Variants in TEDC1 observed in about 807,000 individuals in gnomAD.
TEDC1 encodes tubulin epsilon and delta complex protein 1.
TEDC1 carries 54 observed loss-of-function variants against 59.9 expected under a neutral mutation model. That is an observed-to-expected ratio of 0.90 (90% confidence interval 0.72 to 1.13). The LOEUF (loss-of-function observed/expected upper bound fraction) is 1.13. TEDC1 is among the 50% of genes most tolerant of loss of function. The pLI, the probability that TEDC1 is intolerant of heterozygous loss-of-function variation, is 0.00. For synonymous variants in TEDC1, 353 were observed against 298.1 expected (o/e 1.18, Z -1.90); for missense variants, 734 against 683.4 (o/e 1.07, Z -0.83).
At position 105,491,813 on chromosome 14, in the gene TEDC1, A is replaced by T. The variant is rs1180270503; in HGVS notation, c.226+113A>T. 3.5e-5 allele frequency: 43 copies of T among 1,228,368 alleles called. No individual in the cohort carries two copies. The Admixed American group carries it at 9.0e-4, about 26-fold the overall frequency. The allele number at this position is 1,228,368 out of a possible 1,614,324, so 76.1% of individuals were successfully genotyped here. ...CGGCAGGCTCTAGCCCCCACCCAACACTGACCCCGCTTGCTCCTCAAAACT... is the reference window on the plus strand; with the variant it reads ...CGGCAGGCTCTAGCCCCCACCCAACTCTGACCCCGCTTGCTCCTCAAAACT... On this transcript the variant is annotated intron_variant, in intron 2 of 8. Coordinates refer to ENST00000392523, the MANE Select transcript of TEDC1 (RefSeq NM_001367178.1).
chr14:105,495,774 C>T (rs1484326201), intron 5 of TEDC1, 106 bp from the exon 6 acceptor site: 1 of 960,644 alleles, frequency 1.0e-6, no homozygotes, highest in Non-Finnish European at 1.5e-6. Flanking sequence ...TGGGACCACC[C>T]TCTGTGGTGG....
chr14:105,493,946 A>C lies in TEDC1; in HGVS notation c.684+13A>C, dbSNP rs782517511. On this transcript the variant is annotated intron_variant, in intron 5 of 8. Coordinates refer to ENST00000392523, the MANE Select transcript of TEDC1 (RefSeq NM_001367178.1). Reference sequence around the variant, plus strand: ...GGGAGGCCAGCAGGTGAGGGCGGGCAAGCTGCTGCGGGGGGGTGGGGGTGG... The same window carrying C: ...GGGAGGCCAGCAGGTGAGGGCGGGCCAGCTGCTGCGGGGGGGTGGGGGTGG... The C allele has an allele frequency of 1.4e-6, 1 of 722,372 alleles. No homozygotes were observed. The highest frequency in any genetic ancestry group is 2.1e-6 in the Non-Finnish European group (1 of 477,656). The allele number at this position is 722,372 out of a possible 1,614,324, so 44.7% of individuals were successfully genotyped here. A position where few individuals can be genotyped will look rare whatever the true frequency, so the allele number is the denominator to read the frequency against.
chr14:105,499,055 G>C lies in TEDC1; in HGVS notation c.*109G>C, dbSNP rs2084412804. On this transcript the variant is annotated 3_prime_UTR_variant, in exon 9 of 9. Coordinates refer to ENST00000392523, the MANE Select transcript of TEDC1 (RefSeq NM_001367178.1). ...TGGCCGCAGGGACGATGCAGATGCA[G>C]AGCCCACGTCACATGCTCGCTCCAG... 1 of 1,210,734 alleles carries C rather than the reference G, an allele frequency of 8.3e-7. No individual in the cohort carries two copies. The highest frequency in any genetic ancestry group is 2.6e-5 in the Admixed American group (1 of 39,138). The allele number at this position is 1,210,734 out of a possible 1,614,324, so 75.0% of individuals were successfully genotyped here.
Position 105,499,083 on chromosome 14 carries a change from G to A in TEDC1, c.*137G>A, listed in dbSNP as rs2084413797. 1 of 974,996 alleles carries A rather than the reference G, an allele frequency of 1.0e-6. No individual in the cohort carries two copies. The highest frequency in any genetic ancestry group is 1.6e-5 in the African/African-American group (1 of 60,918). 60.4% of individuals were successfully genotyped at this position (974,996 alleles called of 1,614,324 possible). A position where few individuals can be genotyped will look rare whatever the true frequency, so the allele number is the denominator to read the frequency against. ...CCCACGTCACATGCTCGCTCCAGGG[G>A]TGGGGCTGGGCTGACTCTGGCCGGA... On this transcript the variant is annotated 3_prime_UTR_variant, in exon 9 of 9. Transcript: ENST00000392523.
chr14:105,493,065 C>T (rs587751740), intron 4 of TEDC1, among the ~76,000 whole-genome samples: 1 of 152,306 alleles, frequency 6.6e-6, no homozygotes, highest in African/African-American at 2.4e-5. Flanking sequence ...AAAGCCACTC[C>T]CTCCTGGGCA....
chr14:105,491,157 A>G (rs2084195963), upstream of TEDC1: 5 of 1,550,308 alleles, frequency 3.2e-6, no homozygotes, highest in African/African-American at 5.5e-5. Context: ...GTGATTGGGT[A>G]CAGGTCTCGG....
Position 105,496,133 on chromosome 14 carries a change from G to A in TEDC1, c.891+47G>A, listed in dbSNP as rs1422819101. Reference sequence around the variant, plus strand: ...GGAAGTGGAGACCGCAGGACTTGGGGGTGGGTGGGAGGGGGTGGCGAGGGG... The same window carrying A: ...GGAAGTGGAGACCGCAGGACTTGGGAGTGGGTGGGAGGGGGTGGCGAGGGG... On this transcript the variant is annotated intron_variant, in intron 6 of 8. Transcript: ENST00000392523. The A allele has an allele frequency of 6.6e-6, 7 of 1,061,594 alleles. 1 individual carries two copies. Among genetic ancestry groups the A allele is most frequent in the Non-Finnish European group, 9.2e-6 (7 of 760,824 alleles). 65.8% of individuals were successfully genotyped at this position (1,061,594 alleles called of 1,614,324 possible). A position where few individuals can be genotyped will look rare whatever the true frequency, so the allele number is the denominator to read the frequency against.
Position 105,497,985 on chromosome 14 carries a change from C to G in TEDC1, c.1158+8C>G. ...GCGGCCTGGGAGGCCAAGGTGAGTG[C>G]CAGCCTCGCTCTGGGCACCAGCCCA... On this transcript the variant is annotated splice_region_variant and intron_variant, in intron 8 of 8. Transcript: ENST00000392523. The G allele has an allele frequency of 6.6e-7, 1 of 1,514,306 alleles. No homozygotes were observed. The highest frequency in any genetic ancestry group is 8.8e-7 in the Non-Finnish European group (1 of 1,129,944). The allele number at this position is 1,514,306 out of a possible 1,614,324, so 93.8% of individuals were successfully genotyped here.
chr14:105,494,238 G>A (rs2084291218), intron 5 of TEDC1: 1 of 466,472 alleles, frequency 2.1e-6, no homozygotes, highest in Non-Finnish European at 4.0e-6. Context: ...TGGAATAAAG[G>A]AACACAGATC....
In TEDC1 at chr14:105,492,287, G is replaced by A. The variant is rs782297610; in HGVS notation, c.407G>A (p.Gly136Asp). 21 of 1,606,058 alleles carry A rather than the reference G, an allele frequency of 1.3e-5. No individual in the cohort carries two copies. The highest frequency in any genetic ancestry group is 1.8e-5 in the Non-Finnish European group (21 of 1,179,972). Residue 136 changes from glycine (G) to aspartate (D), a missense_variant, in exon 3 of 9, where the codon GGT becomes GAT. Physicochemically the swap from Gly to Asp is moderately conservative, Grantham distance 94. Coordinates refer to ENST00000392523, the MANE Select transcript of TEDC1 (RefSeq NM_001367178.1). ...QMLAQARVPL[G>D]DEMTVCQCEA... ...CTGGCCCAGGCCCGAGTGCCTCTGGGTGACGAGATGACTGTGTGCCAGGTG... is the reference window on the plus strand; with the variant it reads ...CTGGCCCAGGCCCGAGTGCCTCTGGATGACGAGATGACTGTGTGCCAGGTG...
In TEDC1 at chr14:105,496,986, G is replaced by A. The variant is rs1234665694; in HGVS notation, c.892-371G>A. 13 of 350,258 alleles carry A rather than the reference G, an allele frequency of 3.7e-5. No individual in the cohort carries two copies. The East Asian group carries it at 9.7e-4, about 26-fold the overall frequency. 21.7% of individuals were successfully genotyped at this position (350,258 alleles called of 1,614,324 possible). A position where few individuals can be genotyped will look rare whatever the true frequency, so the allele number is the denominator to read the frequency against. ...ATTCAGTGAGGGCTGTGGGGCAGAG[G>A]TCTAGGCTTGAGAGGCACCTGGACC... On this transcript the variant is annotated intron_variant, in intron 6 of 8. Coordinates refer to ENST00000392523, the MANE Select transcript of TEDC1 (RefSeq NM_001367178.1).
In TEDC1 at chr14:105,497,942, G is replaced by T. The variant is rs2084384648; in HGVS notation, c.1123G>T (p.Ala375Ser). 2.8e-5 allele frequency: 43 copies of T among 1,544,744 alleles called. No homozygotes were observed. The highest frequency in any genetic ancestry group is 3.7e-5 in the Non-Finnish European group (42 of 1,145,126). Residue 375 changes from alanine (A) to serine (S), a missense_variant, in exon 8 of 9, where the codon GCT (alanine) becomes TCT (serine). Transcript: ENST00000392523. The part of the protein sequence containing the change: ...LQALEEELRE[A>S]AERRRAAWEA... ...GGCACTGGAGGAGGAGCTGCGGGAG[G>T]CTGCGGAGCGCAGGCGGGCGGCCTG...
chr14:105,490,684 G>C (rs2084185537), upstream of TEDC1: 1 of 176,210 alleles, frequency 5.7e-6, no homozygotes, highest in South Asian at 1.6e-4. Flanking sequence ...CCGGGACTTC[G>C]CGCCAGGGGC....
At chr14:105,491,763 C>T (rs2084216563) in intron 2 of TEDC1, 63 bp downstream of exon 2, 5 of 1,495,502 alleles carry the variant, frequency 3.3e-6, no homozygotes, top group Non-Finnish European at 4.5e-6. Context: ...CTGTAAAGCC[C>T]CGCCTTCCCC....
chr14:105,498,922 C>T lies in TEDC1; in HGVS notation c.1464C>T (p.Ile488=). The T allele has an allele frequency of 2.5e-6, 4 of 1,607,614 alleles. No homozygotes were observed. The highest frequency in any genetic ancestry group is 3.4e-6 in the Non-Finnish European group (4 of 1,177,298). The change falls in exon 9 of 9, where the codon ATC becomes ATT. Residue 488 remains isoleucine (I), a synonymous_variant. Coordinates refer to ENST00000392523, the MANE Select transcript of TEDC1 (RefSeq NM_001367178.1). ...TGGTGGGAGCCCGCCCTGGTCTCAT[C>T]TGGATCCCGCCACCTGGACGCTGAG... The part of the protein sequence containing the change: ...ARLVGARPGL[I]WIPPPGR
chr14:105,492,412 G>C, intron 3 of TEDC1, 103 bp downstream of exon 3: 1 of 1,530,694 alleles, frequency 6.5e-7, no homozygotes, highest in Non-Finnish European at 8.8e-7. Context: ...TTGCTCCTCA[G>C]GGCAGTCCCA....
intron 8 of TEDC1, 144 bp from the exon 9 acceptor site, chr14:105,498,473 A>G: frequency 1.1e-6 from 1 of 924,956 alleles, no homozygotes; most frequent in East Asian, 2.7e-5. Flanking sequence ...TCCCCTTAAA[A>G]TTTTCAGTAA....
intron 2 of TEDC1, 59 bp downstream of exon 2, chr14:105,491,759 A>G: frequency 6.7e-7 from 1 of 1,502,508 alleles, no homozygotes. Flanking sequence ...ACTCCTGTAA[A>G]GCCCCGCCTT....
Position 105,491,435 on chromosome 14 carries a change from T to C in TEDC1, c.60T>C (p.Pro20=). The change falls in exon 1 of 9, where the codon CCT becomes CCC. Residue 20 remains proline, a synonymous_variant. Transcript: ENST00000392523. Reference sequence around the variant, plus strand: ...CTGGGGCCCGGGCCGGGGCCCTGCCTGAGGCCATCGCCGCGTTGAGTCGGT... The same window carrying C: ...CTGGGGCCCGGGCCGGGGCCCTGCCCGAGGCCATCGCCGCGTTGAGTCGGT... ...PAAGARAGAL[P]EAIAALSRSL... The C allele has an allele frequency of 6.9e-7, 1 of 1,446,380 alleles. No homozygotes were observed. The highest frequency in any genetic ancestry group is 9.0e-7 in the Non-Finnish European group (1 of 1,105,684). The allele number at this position is 1,446,380 out of a possible 1,614,324, so 89.6% of individuals were successfully genotyped here.
Sources: allele counts gnomAD v4.1 joint callset (sites outside exome capture counted in the v4.1 genomes callset), GRCh38; gene constraint gnomAD v4.1.1; transcripts MANE v1.5; gene names NCBI Gene and HGNC (gene_info 2026-07-23, HGNC 2026-07-21).